Variants in PPARGC1A observed in about 807,000 individuals in gnomAD.
PPARGC1A encodes the protein peroxisome proliferator-activated receptor gamma coactivator 1-alpha.
A neutral mutation model predicts 88.7 loss-of-function variants in PPARGC1A; 25 were observed. That is an observed-to-expected ratio of 0.28 (90% CI 0.21 to 0.39). PPARGC1A has a LOEUF of 0.39. Among genes scored for constraint, PPARGC1A ranks in the 10% least tolerant of loss-of-function variants. The pLI is 1.00. For synonymous variants in PPARGC1A, 363 were observed against 355.6 expected (o/e 1.02, Z -0.24); for missense variants, 880 against 968.7 (o/e 0.91, Z 1.22).
At chr4:24,425,536 T>C in the PPARGC1A span, among the ~76,000 whole-genome samples, 17 of 152,294 alleles carry the variant, frequency 1.1e-4, no homozygotes, top group Non-Finnish European at 2.2e-4. Context: ...ACATAAAATT[T>C]CCCATTAAAA....
At chr4:24,041,447 C>G in the PPARGC1A span, among the ~76,000 whole-genome samples, 1 of 151,818 alleles carries the variant, frequency 6.6e-6, no homozygotes, top group Non-Finnish European at 1.5e-5. Flanking sequence ...TGGCCTCCCA[C>G]TGTTGCTAGC....
At chr4:24,356,976 C>T in the PPARGC1A span, among the ~76,000 whole-genome samples, 1 of 152,090 alleles carries the variant, frequency 6.6e-6, no homozygotes, top group Non-Finnish European at 1.5e-5. Flanking sequence ...TATTGAAGTG[C>T]AAAGGAATTA....
At chr4:23,909,393 T>C in the PPARGC1A span, among the ~76,000 whole-genome samples, 3 of 152,180 alleles carry the variant, frequency 2.0e-5, no homozygotes, top group South Asian at 6.2e-4. Flanking sequence ...GTTAGCATAG[T>C]ACTGGCGAAA....
the PPARGC1A span, among the ~76,000 whole-genome samples, chr4:24,220,657 A>T: frequency 6.6e-6 from 1 of 152,216 alleles, no homozygotes; most frequent in Non-Finnish European, 1.5e-5. Context: ...CTCACTTATA[A>T]GTGGGAGCTA....
chr4:24,100,445 T>C, the PPARGC1A span, among the ~76,000 whole-genome samples: 2 of 152,130 alleles, frequency 1.3e-5, no homozygotes, highest in Admixed American at 6.5e-5. Flanking sequence ...CATGATCCAG[T>C]AGGTGCAAAT....
At chr4:24,188,771 A>G in the PPARGC1A span, among the ~76,000 whole-genome samples, 1 of 152,122 alleles carries the variant, frequency 6.6e-6, no homozygotes, top group Non-Finnish European at 1.5e-5. Flanking sequence ...GAACTGCCAT[A>G]TGATCTAGCA....
the PPARGC1A span, among the ~76,000 whole-genome samples, chr4:24,378,947 C>A: frequency 6.6e-6 from 1 of 152,092 alleles, no homozygotes; most frequent in Non-Finnish European, 1.5e-5. Flanking sequence ...TTTTATTATA[C>A]CAGGCAGTCC....
chr4:23,848,381 G>A lies in PPARGC1A; in HGVS notation c.235-16630C>T, dbSNP rs971371588. On this transcript the variant is annotated intron_variant, in intron 2 of 12. Coordinates refer to ENST00000264867, the MANE Select transcript of PPARGC1A (RefSeq NM_013261.5). ...AGAGCAAAGCCACAGAAGCAGAAGAGAAATCATGATGCCCTCGAGCTAACC... is the reference window on the plus strand; with the variant it reads ...AGAGCAAAGCCACAGAAGCAGAAGAAAAATCATGATGCCCTCGAGCTAACC... Among the ~76,000 whole-genome samples, 8 of 152,242 alleles carry A rather than the reference G, an allele frequency of 5.3e-5. No homozygotes were observed. In the East Asian group the frequency reaches 7.7e-4, roughly 15 times the overall value.
Position 23,813,864 on chromosome 4 carries a change from CAAG to C in PPARGC1A, c.1616_1618del (p.Ser539del), listed in dbSNP as rs755731634. The C allele has an allele frequency of 2.7e-4, 433 of 1,614,020 alleles. 4 individuals carry two copies. In the Middle Eastern group the frequency reaches 3.0e-3, roughly 11 times the overall value. ...TCTACATGGAGAGTTAAAAGAAGAA[CAAG>C]AAGGAGACACATTGAACAATGAATA... On this transcript the variant is annotated inframe_deletion, in exon 8 of 13. Transcript: ENST00000264867.
At chr4:24,339,240 A>AGTG in the PPARGC1A span, among the ~76,000 whole-genome samples, 1 of 99,658 alleles carries the variant, frequency 1.0e-5, no homozygotes, top group Non-Finnish European at 2.3e-5. Flanking sequence ...ATATATATAC[A>AGTG]CACACACACA....
upstream of PPARGC1A, among the ~76,000 whole-genome samples, chr4:23,908,870 G>A (rs1432115511): frequency 6.6e-6 from 1 of 152,202 alleles, no homozygotes; most frequent in African/African-American, 2.4e-5. Flanking sequence ...CTGCAAATGT[G>A]TAGAACACAA....
the PPARGC1A span, among the ~76,000 whole-genome samples, chr4:23,973,016 G>T: frequency 6.6e-6 from 1 of 152,144 alleles, no homozygotes; most frequent in Non-Finnish European, 1.5e-5. Context: ...CAATTGCAGG[G>T]ATTCTACCAA....
chr4:24,288,455 G>T, the PPARGC1A span, among the ~76,000 whole-genome samples: 5 of 152,178 alleles, frequency 3.3e-5, no homozygotes, highest in Admixed American at 2.0e-4. Flanking sequence ...CAACTAAGGG[G>T]CAGTAGTCCC....
chr4:23,864,493 A>G lies in PPARGC1A; in HGVS notation c.234+20259T>C, dbSNP rs189160002. Among the ~76,000 whole-genome samples the G allele has an allele frequency of 6.2e-3, 945 of 152,330 alleles. 6 individuals are homozygous for G. Among genetic ancestry groups the G allele is most frequent in the Non-Finnish European group, 8.3e-3 (567 of 68,032 alleles). Reference sequence around the variant, plus strand: ...TAGTATACCTTCAGGAGTAGCAGCAACCAGCCCTGGCAGGGGAGAGGAAGG... The same window carrying G: ...TAGTATACCTTCAGGAGTAGCAGCAGCCAGCCCTGGCAGGGGAGAGGAAGG... On this transcript the variant is annotated intron_variant, in intron 2 of 12. Coordinates refer to ENST00000264867, the MANE Select transcript of PPARGC1A (RefSeq NM_013261.5).
chr4:24,060,944 A>G, the PPARGC1A span, among the ~76,000 whole-genome samples: 2 of 152,210 alleles, frequency 1.3e-5, no homozygotes, highest in Admixed American at 6.5e-5. Flanking sequence ...AGATGAGAAC[A>G]TAAAGGCACC....
At chr4:24,302,995 G>C in the PPARGC1A span, among the ~76,000 whole-genome samples, 1 of 152,170 alleles carries the variant, frequency 6.6e-6, no homozygotes, top group African/African-American at 2.4e-5. Context: ...AGAAGGAAAA[G>C]GGTGACATCA....
the PPARGC1A span, among the ~76,000 whole-genome samples, chr4:23,963,267 G>A: frequency 6.6e-6 from 1 of 152,180 alleles, no homozygotes. Context: ...TCCCTCACTG[G>A]CCTCTCTTAT....
At chr4:23,834,279 G>A (rs923757578) in intron 2 of PPARGC1A, among the ~76,000 whole-genome samples, 4 of 152,038 alleles carry the variant, frequency 2.6e-5, no homozygotes, top group East Asian at 1.9e-4. Flanking sequence ...CAGCCTGGGC[G>A]ACACAGCGAG....
the PPARGC1A span, among the ~76,000 whole-genome samples, chr4:24,464,778 C>T: frequency 6.6e-6 from 1 of 152,128 alleles, no homozygotes; most frequent in South Asian, 2.1e-4. Context: ...ATTAAGTTTC[C>T]ACATCTACAT....
Sources: gnomAD v4.1 joint callset for allele counts (sites outside exome capture counted in the v4.1 genomes callset) on GRCh38, gnomAD v4.1.1 for gene constraint, MANE v1.5 for transcripts, NCBI Gene and HGNC (gene_info 2026-07-23, HGNC 2026-07-21) for gene names.